The following EDDM13 variants were observed in gnomAD, a reference collection of about 807,000 sequenced individuals.
EDDM13 encodes the protein epididymal protein 13.
EDDM13 carries 24 observed loss-of-function variants against 17.8 expected under a neutral mutation model. The ratio of observed to expected loss-of-function variants is 1.35; its 90% CI spans 0.98 to 1.90. EDDM13 has a LOEUF of 1.90. Among genes scored for constraint, EDDM13 ranks in the 40% most tolerant of loss-of-function variants. EDDM13 has a pLI of 0.00. For synonymous variants in EDDM13, 31 were observed against 37.5 expected (o/e 0.83, Z 0.63); for missense variants, 97 against 100.8 (o/e 0.96, Z 0.16).
intron 6 of EDDM13, among the ~76,000 whole-genome samples, chr19:56,287,838 C>G (rs1186930111): frequency 6.6e-6 from 1 of 152,184 alleles, no homozygotes; most frequent in Non-Finnish European, 1.5e-5. Context: ...CCAAGTATCC[C>G]TTTGCATGGA....
chr19:56,293,396 G>A (rs534127507), intron 9 of EDDM13, among the ~76,000 whole-genome samples: 5 of 152,114 alleles, frequency 3.3e-5, no homozygotes, highest in Admixed American at 6.5e-5. Context: ...TGTTCAAAGC[G>A]GCTCAGACTA....
In EDDM13 at chr19:56,310,185, C is replaced by G. The variant is rs182564631; in HGVS notation, c.*37C>G. On this transcript the variant is annotated 3_prime_UTR_variant, in exon 15 of 15. Coordinates refer to ENST00000649256, the MANE Select transcript of EDDM13 (RefSeq NM_001354658.2). ...CATCTCAGCTTAGCCTTCACAAGGC[C>G]TCCATCTCCCAGGCATTCTAACCTC... is the stretch of plus-strand genomic sequence containing the variant. 3 of 152,310 alleles carry G rather than the reference C, an allele frequency of 2.0e-5. No homozygotes were observed. Among genetic ancestry groups the G allele is most frequent in the African/African-American group, 7.2e-5 (3 of 41,446 alleles). The allele number at this position is 152,310 out of a possible 1,614,324, so 9.4% of individuals were successfully genotyped here. A position where few individuals can be genotyped will look rare whatever the true frequency, so the allele number is the denominator to read the frequency against.
chr19:56,290,295 C>T (rs1016887202), intron 8 of EDDM13, among the ~76,000 whole-genome samples: 2 of 152,218 alleles, frequency 1.3e-5, no homozygotes, highest in African/African-American at 4.8e-5. Context: ...TTTACTGACA[C>T]ACAATCACAC....
chr19:56,284,086 T>C, intron 4 of EDDM13, 112 bp from the exon 5 acceptor site: 2 of 802,214 alleles, frequency 2.5e-6, no homozygotes, highest in Non-Finnish European at 3.0e-6. Context: ...TCTGACCTCG[T>C]TTTTGGTTTT....
intron 13 of EDDM13, chr19:56,302,739 A>G: frequency 2.8e-6 from 1 of 363,072 alleles, no homozygotes; most frequent in East Asian, 3.7e-5. Flanking sequence ...CTAGACTGGG[A>G]TAAAACTTCT....
intron 14 of EDDM13, among the ~76,000 whole-genome samples, chr19:56,308,241 C>T (rs948979610): frequency 4.6e-5 from 7 of 152,024 alleles, no homozygotes; most frequent in Admixed American, 3.3e-4. Context: ...ACCATGTTGG[C>T]CAGGATGGTC....
intron 1 of EDDM13, chr19:56,274,493 A>C (rs779847577): frequency 6.6e-6 from 1 of 152,026 alleles, no homozygotes; most frequent in Non-Finnish European, 1.5e-5. Context: ...CTGTAGAGGA[A>C]CACGTTTTTT....
chr19:56,308,617 C>G (rs1406861420), intron 14 of EDDM13, among the ~76,000 whole-genome samples: 1 of 151,238 alleles, frequency 6.6e-6, no homozygotes, highest in Admixed American at 6.6e-5. Flanking sequence ...AGCCACCACG[C>G]CCCCCCATAT....
intron 2 of EDDM13, among the ~76,000 whole-genome samples, chr19:56,278,271 C>T (rs10405059): frequency 0.89 from 135,615 of 152,068 alleles, 60,996 homozygotes; most frequent in Middle Eastern, 0.94. Flanking sequence ...GTAGCTGGGA[C>T]TATAGGTGCA....
intron 2 of EDDM13, among the ~76,000 whole-genome samples, chr19:56,279,607 A>G (rs974637983): frequency 1.3e-5 from 2 of 152,214 alleles, no homozygotes; most frequent in African/African-American, 4.8e-5. Flanking sequence ...GAATCCTCAC[A>G]CTGGACCATC....
chr19:56,273,027 C>A, intron 1 of EDDM13, 108 bp downstream of exon 1: 1 of 297,106 alleles, frequency 3.4e-6, no homozygotes, highest in Non-Finnish European at 5.0e-6. Flanking sequence ...CAGACTTCTT[C>A]TTGCTTCCCA....
chr19:56,285,436 C>G (rs1252526339), intron 6 of EDDM13, among the ~76,000 whole-genome samples: 1 of 152,128 alleles, frequency 6.6e-6, no homozygotes, highest in East Asian at 1.9e-4. Flanking sequence ...GTTAAAAGTA[C>G]TATGTGTTTT....
chr19:56,303,472 A>T (rs1196824218), intron 13 of EDDM13, among the ~76,000 whole-genome samples: 1 of 151,634 alleles, frequency 6.6e-6, no homozygotes, highest in Non-Finnish European at 1.5e-5. Context: ...TGTCTCAAAA[A>T]ATTAAAGTAA....
intron 13 of EDDM13, among the ~76,000 whole-genome samples, chr19:56,302,544 C>CCTTCCTCCCTCCCTCCCCCCTTCCTTTT (rs746194893): frequency 5.1e-5 from 3 of 58,732 alleles, no homozygotes; most frequent in East Asian, 7.0e-4. Flanking sequence ...TCTTCCTCCC[C>CCTTCCTCCCTCCCTCCCCCCTTCCTTTT]GTTCCTCCCT....
intron 5 of EDDM13, among the ~76,000 whole-genome samples, chr19:56,284,774 A>G (rs552867210): frequency 5.7e-4 from 87 of 152,134 alleles, no homozygotes; most frequent in African/African-American, 2.0e-3. Flanking sequence ...TCAGCCCCCA[A>G]AGTGCTAGGA....
At chr19:56,283,791 C>T (rs2038895270) in intron 4 of EDDM13, 1 of 152,242 alleles carries the variant, frequency 6.6e-6, no homozygotes, top group Non-Finnish European at 1.5e-5. Context: ...AACATAGGGA[C>T]AATATCTGAT....
chr19:56,281,935 A>C (rs1442516811), intron 3 of EDDM13, among the ~76,000 whole-genome samples: 2 of 152,206 alleles, frequency 1.3e-5, no homozygotes, highest in Admixed American at 1.3e-4. Flanking sequence ...TTAGGTCTAA[A>C]ACTGGGTGTG....
chr19:56,309,089 A>T (rs2040874830), intron 14 of EDDM13, among the ~76,000 whole-genome samples: 1 of 152,224 alleles, frequency 6.6e-6, no homozygotes, highest in South Asian at 2.1e-4. Flanking sequence ...AACGTAGTGC[A>T]TTCATACAAT....
At chr19:56,307,294 A>G (rs78528123) in intron 14 of EDDM13, among the ~76,000 whole-genome samples, 17,383 of 152,158 alleles carry the variant, frequency 0.11, 1,104 homozygotes, top group African/African-American at 0.16. Flanking sequence ...ACTCGATCAT[A>G]CGATATACCC....
Sources: gnomAD v4.1 joint callset for allele counts (sites outside exome capture counted in the v4.1 genomes callset) on GRCh38, gnomAD v4.1.1 for gene constraint, MANE v1.5 for transcripts, NCBI Gene and HGNC (gene_info 2026-07-23, HGNC 2026-07-21) for gene names.